The following SYNPO2 variants were observed in gnomAD, a reference collection of about 807,000 sequenced individuals.
SYNPO2 encodes synaptopodin-2.
Under a neutral mutation model 85.0 loss-of-function variants are expected in SYNPO2, and 56 were observed. The observed-to-expected ratio is 0.66, with a 90% confidence interval of 0.53 to 0.82. SYNPO2 has a LOEUF of 0.82. Among genes scored for constraint, SYNPO2 ranks in the 40% least tolerant of loss-of-function variants. The probability of loss-of-function intolerance (pLI) is 0.00; values close to 1 mark genes in which losing one functional copy is unlikely to be tolerated. For synonymous variants in SYNPO2, 602 were observed against 591.1 expected (o/e 1.02, Z -0.27); for missense variants, 1,575 against 1,534.2 (o/e 1.03, Z -0.44).
At chr4:118,872,234 G>A (rs191601224) in intron 1 of SYNPO2, among the ~76,000 whole-genome samples, 2 of 152,190 alleles carry the variant, frequency 1.3e-5, no homozygotes, top group Non-Finnish European at 2.9e-5. Context: ...AACGTACATT[G>A]TACCTGTTAT....
intron 1 of SYNPO2, among the ~76,000 whole-genome samples, chr4:118,863,038 TG>T (rs1731638013): frequency 6.6e-6 from 1 of 152,182 alleles, no homozygotes; most frequent in Non-Finnish European, 1.5e-5. Context: ...CTGGAACTCC[TG>T]ACCTCGTGAC....
At chr4:119,011,920 CTTTTTT>C (rs548974684) in intron 1 of SYNPO2, among the ~76,000 whole-genome samples, 1 of 109,626 alleles carries the variant, frequency 9.1e-6, no homozygotes, top group African/African-American at 3.5e-5. Context: ...TTTCTATAGA[CTTTTTT>C]TTTTTTTTTT....
intron 1 of SYNPO2, among the ~76,000 whole-genome samples, chr4:118,873,650 T>C (rs1012518408): frequency 6.6e-6 from 1 of 152,162 alleles, no homozygotes; most frequent in African/African-American, 2.4e-5. Context: ...ATTCCACAGG[T>C]TGTGTGTTCG....
intron 1 of SYNPO2, among the ~76,000 whole-genome samples, chr4:118,957,564 C>A (rs1734923567): frequency 6.6e-6 from 1 of 152,158 alleles, no homozygotes; most frequent in South Asian, 2.1e-4. Context: ...ATACTCTGTT[C>A]ATGGGATACA....
Position 119,031,182 on chromosome 4 carries a change from G to T in SYNPO2, c.2407G>T (p.Val803Phe). Reference sequence around the variant, plus strand: ...ATCCAACCCATCAAAGGGCACCGTTGTCTCCTCCATCAAAATAGCCCAGCC... The same window carrying T: ...ATCCAACCCATCAAAGGGCACCGTTTTCTCCTCCATCAAAATAGCCCAGCC... ...PTSNPSKGTV[V>F]SSIKIAQPSY... Residue 803 changes from valine to phenylalanine, a missense_variant, in exon 4 of 5, where the codon GTC (valine) becomes TTC (phenylalanine). Val to Phe is a conservative substitution (Grantham distance 50). This residue lies in a region of SYNPO2 where 1,508 missense variants were observed against 1,446.8 expected (regional missense o/e 1.04). Transcript: ENST00000307142. 6.2e-7 allele frequency: 1 copy of T among 1,614,086 alleles called. No homozygotes were observed. The highest frequency in any genetic ancestry group is 8.5e-7 in the Non-Finnish European group (1 of 1,180,016).
At chr4:119,041,361 T>G (rs537999916) in intron 4 of SYNPO2, among the ~76,000 whole-genome samples, 1 of 152,230 alleles carries the variant, frequency 6.6e-6, no homozygotes, top group Non-Finnish European at 1.5e-5. Context: ...GATAAAGAAA[T>G]GTTCACAAAA....
intron 1 of SYNPO2, among the ~76,000 whole-genome samples, chr4:118,857,474 G>C (rs1213120215): frequency 6.6e-6 from 1 of 152,160 alleles, no homozygotes; most frequent in Admixed American, 6.5e-5. Flanking sequence ...ATTAATAGTA[G>C]ATGGATTGCA....
intron 1 of SYNPO2, among the ~76,000 whole-genome samples, chr4:118,939,094 G>A (rs1294097966): frequency 6.6e-6 from 1 of 152,184 alleles, no homozygotes; most frequent in African/African-American, 2.4e-5. Flanking sequence ...GTGAAATGAG[G>A]CACCGAATTT....
At chr4:118,907,191 A>G (rs574043141) in intron 1 of SYNPO2, among the ~76,000 whole-genome samples, 24 of 152,310 alleles carry the variant, frequency 1.6e-4, no homozygotes, top group Non-Finnish European at 2.8e-4. Context: ...CCACCATACG[A>G]AAATGTAATC....
In SYNPO2 at chr4:118,856,349, A is replaced by G. The variant is rs538654810; in HGVS notation, c.12+5409A>G. Among the ~76,000 whole-genome samples the G allele has an allele frequency of 2.6e-5, 4 of 152,306 alleles. No homozygotes were observed. In the East Asian group the frequency reaches 5.8e-4, roughly 22 times the overall value. On this transcript the variant is annotated intron_variant, in intron 1 of 4. Coordinates refer to the SYNPO2 transcript ENST00000610556. ...TCTTCTTGTTCATTGGAGTTTATGC[A>G]TACTAGTTTTGAGATACATACAGAT...
intron 2 of SYNPO2, among the ~76,000 whole-genome samples, chr4:119,025,705 A>C (rs953571364): frequency 1.3e-5 from 2 of 151,346 alleles, no homozygotes; most frequent in East Asian, 2.2e-4. Context: ...TTCCAAAATT[A>C]AAAAAAATAC....
rs547793833 is a variant in SYNPO2, at chr4:119,059,246, G to C, written c.*1312G>C. On this transcript the variant is annotated 3_prime_UTR_variant, in exon 5 of 5. Coordinates refer to ENST00000307142, the MANE Select transcript of SYNPO2 (RefSeq NM_133477.3). ...GAGGGTAGATGTGAAGATTTAAAAC[G>C]ATTGATGGATTTAAGGAAGTGGTAC... 7.2e-5 allele frequency: 11 copies of C among 152,298 alleles called. 1 individual carries two copies. The South Asian group carries it at 1.9e-3, about 26-fold the overall frequency. 9.4% of individuals were successfully genotyped at this position (152,298 alleles called of 1,614,324 possible).
chr4:118,950,480 A>C (rs1734660434), intron 1 of SYNPO2, among the ~76,000 whole-genome samples: 1 of 152,214 alleles, frequency 6.6e-6, no homozygotes, highest in South Asian at 2.1e-4. Context: ...TGCGCCAAGC[A>C]AGGGGAGTAG....
chr4:118,994,162 T>G (rs1206742652), intron 1 of SYNPO2, among the ~76,000 whole-genome samples: 1 of 152,256 alleles, frequency 6.6e-6, no homozygotes, highest in African/African-American at 2.4e-5. Flanking sequence ...ACCACTGTGC[T>G]CCGCTGGTGA....
At chr4:118,995,704 T>C (rs1736560211) in intron 1 of SYNPO2, among the ~76,000 whole-genome samples, 1 of 152,150 alleles carries the variant, frequency 6.6e-6, no homozygotes, top group Non-Finnish European at 1.5e-5. Context: ...TAATAACCAA[T>C]AACTTATGAG....
At chr4:118,904,791 A>G (rs369939031) in intron 1 of SYNPO2, among the ~76,000 whole-genome samples, 9 of 152,186 alleles carry the variant, frequency 5.9e-5, no homozygotes, top group African/African-American at 2.2e-4. Flanking sequence ...GCTAAAATGA[A>G]AAACAAAATC....
At chr4:119,046,695 A>G (rs1257119920) in intron 4 of SYNPO2, among the ~76,000 whole-genome samples, 1 of 152,260 alleles carries the variant, frequency 6.6e-6, no homozygotes, top group East Asian at 1.9e-4. Flanking sequence ...AACTGTAGCC[A>G]GCAATACTCC....
chr4:118,940,963 C>A (rs1047491509), intron 1 of SYNPO2, among the ~76,000 whole-genome samples: 4 of 152,186 alleles, frequency 2.6e-5, no homozygotes, highest in African/African-American at 9.6e-5. Flanking sequence ...CTCATAGCTG[C>A]CGTTACTGTT....
In SYNPO2 at chr4:118,998,023, G is replaced by A. The variant is rs17328996; in HGVS notation, c.106-25407G>A. Among the ~76,000 whole-genome samples the A allele has an allele frequency of 8.9e-3, 1,350 of 152,314 alleles. 4 individuals carry two copies. The highest frequency in any genetic ancestry group is 0.014 in the Non-Finnish European group (973 of 68,028). On this transcript the variant is annotated intron_variant, in intron 1 of 4. Transcript: ENST00000307142. The stretch of plus-strand genomic sequence containing the variant: ...GGAATTGAGGAGAAAGGAGAGGGGC[G>A]CTTCCTGGAGAAGACAGTGTTAGGA...
Sources: gnomAD v4.1 joint callset for allele counts (sites outside exome capture counted in the v4.1 genomes callset) on GRCh38, gnomAD v4.1.1 for gene constraint, gnomAD v4.1.1 regional missense constraint, MANE v1.5 for transcripts, NCBI Gene and HGNC (gene_info 2026-07-23, HGNC 2026-07-21) for gene names.